The following CADM1 variants were observed in gnomAD, a reference collection of about 807,000 sequenced individuals.
The protein encoded by CADM1 is TSLC-1.
CADM1 carries 15 observed loss-of-function variants against 53.1 expected under a neutral mutation model. That is an observed-to-expected ratio of 0.28 (90% CI 0.19 to 0.44). The LOEUF (loss-of-function observed/expected upper bound fraction) is 0.44, where lower values mean the gene tolerates loss of function less well. Ranked by LOEUF, CADM1 falls within the 20% of genes least tolerant of loss-of-function variation. The probability of loss-of-function intolerance (pLI) is 1.00; values close to 1 mark genes in which losing one functional copy is unlikely to be tolerated. For missense variants in CADM1, 434 were observed against 611.3 expected (o/e 0.71, Z 3.06); for synonymous variants, 281 against 243.0 (o/e 1.16, Z -1.45).
At chr11:115,383,318 A>G (rs1247564451) in intron 1 of CADM1, among the ~76,000 whole-genome samples, 1 of 152,234 alleles carries the variant, frequency 6.6e-6, no homozygotes, top group Admixed American at 6.5e-5. Context: ...TTCAATGCGA[A>G]AGGAAATACA....
At chr11:115,302,891 C>T (rs1944268564) in intron 1 of CADM1, among the ~76,000 whole-genome samples, 1 of 152,040 alleles carries the variant, frequency 6.6e-6, no homozygotes, top group African/African-American at 2.4e-5. Context: ...GTTGCCATCT[C>T]TGTGCTGCTT....
At chr11:115,271,089 A>C (rs1943283718) in intron 1 of CADM1, among the ~76,000 whole-genome samples, 1 of 152,182 alleles carries the variant, frequency 6.6e-6, no homozygotes, top group African/African-American at 2.4e-5. Flanking sequence ...TTAGGGACTG[A>C]TGTGTTAATT....
intron 10 of CADM1, 196 bp from the exon 11 acceptor site, chr11:115,178,971 A>G: frequency 1.6e-6 from 1 of 636,146 alleles, no homozygotes. Flanking sequence ...TCTCCCCACG[A>G]GGCAATTTCA....
chr11:115,368,649 T>C (rs569892145), intron 1 of CADM1, among the ~76,000 whole-genome samples: 12 of 152,272 alleles, frequency 7.9e-5, no homozygotes, highest in African/African-American at 4.8e-5. Context: ...ATAATTTTCC[T>C]TGTAGCATAT....
chr11:115,480,173 T>C (rs187031986), intron 1 of CADM1, among the ~76,000 whole-genome samples: 252 of 152,318 alleles, frequency 1.7e-3, no homozygotes, highest in Non-Finnish European at 2.7e-3. Context: ...AGTCTATTTA[T>C]TTTTAGCATC....
At chr11:115,237,695 A>C (rs1942059062) in intron 3 of CADM1, among the ~76,000 whole-genome samples, 1 of 152,160 alleles carries the variant, frequency 6.6e-6, no homozygotes, top group Non-Finnish European at 1.5e-5. Flanking sequence ...ATTCAGTTTC[A>C]AGAATCCAAA....
chr11:115,470,917 C>T (rs1315418652), intron 1 of CADM1, among the ~76,000 whole-genome samples: 2 of 152,144 alleles, frequency 1.3e-5, no homozygotes, highest in East Asian at 1.9e-4. Context: ...TGAAGGACCC[C>T]GAAGTCAAAA....
chr11:115,291,233 AT>A (rs887036085), intron 1 of CADM1, among the ~76,000 whole-genome samples: 23 of 152,284 alleles, frequency 1.5e-4, no homozygotes, highest in Non-Finnish European at 2.4e-4. Flanking sequence ...GGAAAAAAAA[AT>A]GTTCTAATTG....
intron 1 of CADM1, among the ~76,000 whole-genome samples, chr11:115,413,971 A>C (rs190567969): frequency 5.9e-5 from 9 of 152,050 alleles, no homozygotes; most frequent in Admixed American, 4.6e-4. Flanking sequence ...ATTATGCTAA[A>C]ATTAATCTCA....
At position 115,198,448 on chromosome 11, in the gene CADM1, G is replaced by A; in HGVS notation, c.1079-10C>T. 3 of 1,594,930 alleles carry A rather than the reference G, an allele frequency of 1.9e-6. No individual in the cohort carries two copies. The highest frequency in any genetic ancestry group is 2.5e-6 in the Non-Finnish European group (3 of 1,178,044). ...GTCGTCGCCGTTGTGTCTACAGACGGGAACAGAGGATTGGAGGAAGGGAAG... is the reference window on the plus strand; with the variant it reads ...GTCGTCGCCGTTGTGTCTACAGACGAGAACAGAGGATTGGAGGAAGGGAAG... On this transcript the variant is annotated splice_polypyrimidine_tract_variant and intron_variant, in intron 8 of 11. Coordinates refer to ENST00000331581, the MANE Select transcript of CADM1 (RefSeq NM_001301043.2).
intron 1 of CADM1, among the ~76,000 whole-genome samples, chr11:115,410,615 G>C (rs369752762): frequency 2.6e-5 from 4 of 151,792 alleles, no homozygotes; most frequent in African/African-American, 9.7e-5. Flanking sequence ...TACAGATGAC[G>C]GCAAAAAAAG....
intron 1 of CADM1, among the ~76,000 whole-genome samples, chr11:115,483,934 G>T (rs972910846): frequency 1.3e-5 from 2 of 152,142 alleles, no homozygotes; most frequent in African/African-American, 4.8e-5. Flanking sequence ...AGCACTGGAG[G>T]CATAGCCAGA....
At chr11:115,190,239 C>T (rs1359666580) in intron 10 of CADM1, among the ~76,000 whole-genome samples, 1 of 152,176 alleles carries the variant, frequency 6.6e-6, no homozygotes, top group Admixed American at 6.5e-5. Context: ...TAAATCTCCT[C>T]CCTCCCTCCT....
chr11:115,323,403 A>G (rs540771044), intron 1 of CADM1, among the ~76,000 whole-genome samples: 69 of 152,312 alleles, frequency 4.5e-4, no homozygotes, highest in African/African-American at 1.5e-3. Context: ...CTCTAAGATA[A>G]TATCTAAAAC....
At chr11:115,214,893 G>C in intron 6 of CADM1, 113 bp from the exon 7 acceptor site, 1 of 1,106,136 alleles carries the variant, frequency 9.0e-7, no homozygotes, top group South Asian at 1.2e-5. Context: ...GATATTTTAA[G>C]TTCACAGAAT....
chr11:115,290,349 T>C (rs1943855208), intron 1 of CADM1, among the ~76,000 whole-genome samples: 1 of 152,212 alleles, frequency 6.6e-6, no homozygotes, highest in Admixed American at 6.5e-5. Context: ...AGCTGATGAC[T>C]CTTGCCATAG....
chr11:115,492,576 C>A lies in CADM1; in HGVS notation c.124+11695G>T, dbSNP rs28456350. ...GATACTCATCTACCCTCAGTGGGATCTATTTTAAAGACAAAAAGAGTGGCA... is the reference window on the plus strand; with the variant it reads ...GATACTCATCTACCCTCAGTGGGATATATTTTAAAGACAAAAAGAGTGGCA... On this transcript the variant is annotated intron_variant, in intron 1 of 11. Coordinates refer to ENST00000331581, the MANE Select transcript of CADM1 (RefSeq NM_001301043.2). Among the ~76,000 whole-genome samples, 781 of 152,112 alleles carry A rather than the reference C, an allele frequency of 5.1e-3. 5 individuals carry two copies. Among genetic ancestry groups the A allele is most frequent in the African/African-American group, 0.018 (751 of 41,516 alleles).
rs1208762045 is a variant in CADM1, at chr11:115,434,845, TTTATTA to T, written c.124+69420_124+69425del. Among the ~76,000 whole-genome samples the T allele has an allele frequency of 3.0e-3, 432 of 143,106 alleles. 1 individual carries two copies. The highest frequency in any genetic ancestry group is 0.011 in the African/African-American group (417 of 39,658). 93.9% of individuals were successfully genotyped at this position (143,106 alleles called of 152,430 possible). A position where few individuals can be genotyped will look rare whatever the true frequency, so the allele number is the denominator to read the frequency against. Reference sequence around the variant, plus strand: ...TGTATCAGTTCTCTAAGTATTTTATTTTATTATTATTATTATTATTTTTTTTTTTTT... The same window carrying T: ...TGTATCAGTTCTCTAAGTATTTTATTTTATTATTATTATTTTTTTTTTTTT... On this transcript the variant is annotated intron_variant, in intron 1 of 11. Transcript: ENST00000331581.
intron 10 of CADM1, among the ~76,000 whole-genome samples, chr11:115,179,509 T>G (rs948121232): frequency 2.0e-5 from 3 of 152,214 alleles, no homozygotes; most frequent in African/African-American, 7.2e-5. Context: ...GAACGACATG[T>G]TTGGCTGGGG....
Sources: gnomAD v4.1 joint callset for allele counts (sites outside exome capture counted in the v4.1 genomes callset) on GRCh38, gnomAD v4.1.1 for gene constraint, MANE v1.5 for transcripts, NCBI Gene and HGNC (gene_info 2026-07-23, HGNC 2026-07-21) for gene names.